The following ANXA8 variants were observed in gnomAD, a reference collection of about 807,000 sequenced individuals.
ANXA8 encodes annexin A8.
ANXA8 carries 9 observed loss-of-function variants against 26.8 expected under a neutral mutation model. The observed-to-expected ratio is 0.34, with a 90% CI of 0.20 to 0.59. The LOEUF (loss-of-function observed/expected upper bound fraction) is 0.59, where lower values mean the gene tolerates loss of function less well. Among genes scored for constraint, ANXA8 ranks in the 20% least tolerant of loss-of-function variants. The probability of loss-of-function intolerance (pLI) is 0.84; values close to 1 mark genes in which losing one functional copy is unlikely to be tolerated. For synonymous variants in ANXA8, 39 were observed against 94.8 expected, an observed-to-expected ratio of 0.41 and a Z score of 3.42; for missense variants, 83 against 238.5, an observed-to-expected ratio of 0.35 and a Z score of 4.29.
the ANXA8 span, among the ~76,000 whole-genome samples, chr10:47,668,391 C>T: frequency 6.8e-6 from 1 of 146,210 alleles, no homozygotes; most frequent in Non-Finnish European, 1.5e-5. Flanking sequence ...CCCTAGCCCT[C>T]CCAGTAGCTG....
the ANXA8 span, among the ~76,000 whole-genome samples, chr10:47,670,563 G>A: frequency 2.0e-5 from 3 of 151,928 alleles, no homozygotes; most frequent in African/African-American, 7.3e-5. Flanking sequence ...TCATTCTAGT[G>A]GGTGTAAAGT....
At chr10:47,683,566 A>G in the ANXA8 span, among the ~76,000 whole-genome samples, 2 of 151,928 alleles carry the variant, frequency 1.3e-5, no homozygotes, top group Non-Finnish European at 2.9e-5. Flanking sequence ...GTTAACACAA[A>G]TGAACTATGA....
chr10:47,546,859 C>G, the ANXA8 span, among the ~76,000 whole-genome samples: 1 of 138,010 alleles, frequency 7.2e-6, no homozygotes, highest in South Asian at 2.4e-4. Context: ...AAATGCCCAT[C>G]CTTGATTAAA....
the ANXA8 span, among the ~76,000 whole-genome samples, chr10:47,941,622 G>T: frequency 6.8e-6 from 1 of 146,272 alleles, no homozygotes; most frequent in Non-Finnish European, 1.5e-5. Flanking sequence ...CAGCCTGGGG[G>T]ACAGAGACTC....
At chr10:47,695,199 A>G in the ANXA8 span, among the ~76,000 whole-genome samples, 1 of 151,412 alleles carries the variant, frequency 6.6e-6, no homozygotes, top group African/African-American at 2.4e-5. Context: ...TTAGTAAGTC[A>G]CCTGAACTCA....
the ANXA8 span, among the ~76,000 whole-genome samples, chr10:47,900,865 A>C: frequency 6.6e-6 from 1 of 151,306 alleles, no homozygotes; most frequent in Non-Finnish European, 1.5e-5. Context: ...TAAACAAGAA[A>C]ACTAGTACCT....
the ANXA8 span, among the ~76,000 whole-genome samples, chr10:47,982,801 CATATATATATATATATATAT>C: frequency 1.5e-4 from 2 of 12,956 alleles, no homozygotes; most frequent in Admixed American, 1.1e-3. Flanking sequence ...ATTTGCAAAT[CATATATATATATATATATAT>C]ATATATATAT....
At chr10:47,933,681 G>A in the ANXA8 span, among the ~76,000 whole-genome samples, 1 of 35,380 alleles carries the variant, frequency 2.8e-5, no homozygotes, top group Non-Finnish European at 5.1e-5. Flanking sequence ...GACAATGATC[G>A]GTGGAGCAGG....
the ANXA8 span, among the ~76,000 whole-genome samples, chr10:47,676,223 G>A: frequency 4.0e-5 from 6 of 151,716 alleles, no homozygotes; most frequent in African/African-American, 1.5e-4. Context: ...TGTAATTGGA[G>A]TTTCAGAAGG....
the ANXA8 span, among the ~76,000 whole-genome samples, chr10:47,940,228 C>T: frequency 6.7e-6 from 1 of 148,840 alleles, no homozygotes; most frequent in Non-Finnish European, 1.5e-5. Context: ...GCTGTAACCC[C>T]GGCAAACAAA....
At chr10:47,501,231 T>G in the ANXA8 span, among the ~76,000 whole-genome samples, 1 of 133,770 alleles carries the variant, frequency 7.5e-6, no homozygotes, top group Non-Finnish European at 1.6e-5. Context: ...TATTTTTTAG[T>G]AGAGATGGGG....
At chr10:47,682,469 C>CTTTCTTTTT in the ANXA8 span, among the ~76,000 whole-genome samples, 14 of 121,588 alleles carry the variant, frequency 1.2e-4, no homozygotes, top group African/African-American at 4.1e-4. Context: ...CTTTCTTTTT[C>CTTTCTTTTT]TTTTTTTTTT....
chr10:47,484,469 G>T (rs1421801141), upstream of ANXA8: 80 of 1,087,816 alleles, frequency 7.4e-5, no homozygotes, highest in South Asian at 6.6e-4. Flanking sequence ...GGGGCAAGGG[G>T]CTCATATTCA....
the ANXA8 span, among the ~76,000 whole-genome samples, chr10:47,605,837 C>A: frequency 7.0e-6 from 1 of 143,260 alleles, no homozygotes; most frequent in African/African-American, 2.7e-5. Flanking sequence ...GAAATTTAAG[C>A]CATAATGAGC....
chr10:47,556,700 T>C, the ANXA8 span, among the ~76,000 whole-genome samples: 1 of 151,332 alleles, frequency 6.6e-6, no homozygotes, highest in Non-Finnish European at 1.5e-5. Context: ...GTCAAGGGAG[T>C]CTTCAGCTTT....
the ANXA8 span, among the ~76,000 whole-genome samples, chr10:47,532,840 T>TA: frequency 3.7e-5 from 1 of 27,326 alleles, no homozygotes; most frequent in African/African-American, 1.9e-4. Context: ...GGCCTCTGCC[T>TA]ACCACCTAGA....
the ANXA8 span, among the ~76,000 whole-genome samples, chr10:47,937,052 G>A: frequency 1.3e-5 from 2 of 149,894 alleles, no homozygotes; most frequent in African/African-American, 4.9e-5. Context: ...GCACCTTGAG[G>A]GATGTTGAAA....
At chr10:47,953,948 T>C in the ANXA8 span, among the ~76,000 whole-genome samples, 4 of 149,720 alleles carry the variant, frequency 2.7e-5, no homozygotes, top group African/African-American at 9.9e-5. Flanking sequence ...GGTGGGAATG[T>C]AAATTAATAC....
upstream of ANXA8, chr10:47,484,852 C>A (rs1162498892): frequency 8.8e-6 from 4 of 456,636 alleles, no homozygotes; most frequent in Non-Finnish European, 1.5e-5. Flanking sequence ...CCCCTCTCTG[C>A]TTCTGGCTGG....
Sources: allele counts gnomAD v4.1 joint callset (sites outside exome capture counted in the v4.1 genomes callset), GRCh38; gene constraint gnomAD v4.1.1; transcripts MANE v1.5; gene names NCBI Gene and HGNC (gene_info 2026-07-23, HGNC 2026-07-21).